MGMT: variants seen among roughly 807,000 people sequenced by gnomAD.
MGMT encodes the protein O-6-methylguanine-DNA methyltransferase.
MGMT carries 14 observed loss-of-function variants against 15.9 expected under a neutral mutation model. The ratio of observed to expected loss-of-function variants is 0.88; its 90% confidence interval spans 0.58 to 1.37. The LOEUF is 1.37. Among genes scored for constraint, MGMT ranks in the 40% most tolerant of loss-of-function variants. MGMT has a pLI of 0.00. For missense variants in MGMT, 282 were observed against 268.1 expected, an observed-to-expected ratio of 1.05 and a Z score of -0.36; for synonymous variants, 130 against 118.2, an observed-to-expected ratio of 1.10 and a Z score of -0.65.
chr10:129,488,086 C>T (rs12769288), intron 1 of MGMT, among the ~76,000 whole-genome samples: 15,483 of 151,670 alleles, frequency 0.1, 973 homozygotes, highest in Non-Finnish European at 0.13. Flanking sequence ...AGCTGTTTCT[C>T]ACTGTCAGAT....
chr10:129,689,457 G>T (rs1847946358), intron 2 of MGMT, among the ~76,000 whole-genome samples: 1 of 152,226 alleles, frequency 6.6e-6, no homozygotes, highest in African/African-American at 2.4e-5. Context: ...AAGGCATTCA[G>T]TCTTGAACAT....
chr10:129,667,715 G>A (rs61874309), intron 2 of MGMT, among the ~76,000 whole-genome samples: 362 of 152,298 alleles, frequency 2.4e-3, no homozygotes, highest in Non-Finnish European at 4.0e-3. Context: ...TCAGATTAGC[G>A]CCCATTAGCA....
At chr10:129,510,702 G>T (rs1035122400) in intron 1 of MGMT, among the ~76,000 whole-genome samples, 1 of 152,162 alleles carries the variant, frequency 6.6e-6, no homozygotes, top group African/African-American at 2.4e-5. Context: ...CAGAATAAGG[G>T]CAGGAAAATA....
chr10:129,500,357 G>A (rs564719289), intron 1 of MGMT, among the ~76,000 whole-genome samples: 234 of 152,294 alleles, frequency 1.5e-3, no homozygotes, highest in Middle Eastern at 3.4e-3. Context: ...CGACAGGAGG[G>A]TGCGGTGGTG....
At chr10:129,669,437 T>C (rs1847696956) in intron 2 of MGMT, among the ~76,000 whole-genome samples, 1 of 152,224 alleles carries the variant, frequency 6.6e-6, no homozygotes, top group East Asian at 1.9e-4. Context: ...TTTTTTTGTT[T>C]GTTTTCTGTT....
At chr10:129,555,847 A>G (rs1186000906) in intron 2 of MGMT, among the ~76,000 whole-genome samples, 1 of 152,146 alleles carries the variant, frequency 6.6e-6, no homozygotes, top group East Asian at 1.9e-4. Context: ...TCCAAGTTTT[A>G]TTTTCGGCAA....
intron 1 of MGMT, among the ~76,000 whole-genome samples, chr10:129,487,095 T>C (rs1845416575): frequency 1.3e-5 from 2 of 152,134 alleles, no homozygotes; most frequent in African/African-American, 4.8e-5. Context: ...AGCACTAGCC[T>C]CCTGCTTGTT....
chr10:129,616,085 C>T (rs1355332911), intron 2 of MGMT, among the ~76,000 whole-genome samples: 1 of 152,130 alleles, frequency 6.6e-6, no homozygotes, highest in Non-Finnish European at 1.5e-5. Flanking sequence ...GTTAGGAAAG[C>T]AAGCCAGGGC....
chr10:129,563,316 G>A lies in MGMT; in HGVS notation c.125+26939G>A, dbSNP rs541940599. Among the ~76,000 whole-genome samples the A allele has an allele frequency of 3.3e-5, 5 of 152,204 alleles. No homozygotes were observed. The South Asian group carries it at 1.0e-3, about 32-fold the overall frequency. ...AGTTTCTAGCGTGCTCACTGTGTGT[G>A]GGTAGGATGACCCTGCCGGTCTGTG... On this transcript the variant is annotated intron_variant, in intron 2 of 4. Coordinates refer to ENST00000651593, the MANE Select transcript of MGMT (RefSeq NM_002412.5).
At chr10:129,537,038 A>C (rs2119761146) in intron 2 of MGMT, 1 of 152,304 alleles carries the variant, frequency 6.6e-6, no homozygotes, top group South Asian at 2.1e-4. Flanking sequence ...CTAATTGCAA[A>C]AACGTAAGAA....
chr10:129,577,290 A>G (rs535406904), intron 2 of MGMT, among the ~76,000 whole-genome samples: 2 of 151,498 alleles, frequency 1.3e-5, no homozygotes, highest in Non-Finnish European at 1.5e-5. Context: ...AAACTATACT[A>G]CAAGGCTACA....
chr10:129,749,654 A>G (rs192470550), intron 3 of MGMT, among the ~76,000 whole-genome samples: 3 of 152,176 alleles, frequency 2.0e-5, no homozygotes, highest in Non-Finnish European at 2.9e-5. Context: ...TGCAATTGCC[A>G]GATCACATGG....
intron 2 of MGMT, among the ~76,000 whole-genome samples, chr10:129,692,735 C>T (rs1847983868): frequency 6.6e-6 from 1 of 152,170 alleles, no homozygotes; most frequent in Admixed American, 6.5e-5. Flanking sequence ...GGGAAAGAAG[C>T]TCAGAGTGCA....
At chr10:129,484,671 C>T (rs1845390815) in intron 1 of MGMT, among the ~76,000 whole-genome samples, 1 of 152,056 alleles carries the variant, frequency 6.6e-6, no homozygotes, top group Admixed American at 6.6e-5. Flanking sequence ...AAATGGGATC[C>T]TAGACATTGA....
At chr10:129,732,287 A>G (rs948490404) in intron 3 of MGMT, among the ~76,000 whole-genome samples, 8 of 151,840 alleles carry the variant, frequency 5.3e-5, no homozygotes, top group Admixed American at 3.9e-4. Context: ...TATTTCTCCT[A>G]ATGCTATCCC....
intron 2 of MGMT, among the ~76,000 whole-genome samples, chr10:129,634,917 GGTT>G (rs1429395525): frequency 6.6e-6 from 1 of 152,074 alleles, no homozygotes; most frequent in African/African-American, 2.4e-5. Context: ...GTTGAGTTCT[GGTT>G]ATTTCTGCAT....
In MGMT at chr10:129,532,314, C is replaced by G. The variant is rs1187355336; in HGVS notation, c.-12-3927C>G. ...CTGGGTGGCGGTGCTCTCTGGGGTG[C>G]AGAGTTGGTCATTCCAGGGCAGGCA... On this transcript the variant is annotated intron_variant, in intron 1 of 4. Transcript: ENST00000651593. The surrounding 1 kb of genome is among the most constrained non-coding windows in gnomAD (Gnocchi z 5.3). Among the ~76,000 whole-genome samples, 2 of 152,192 alleles carry G rather than the reference C, an allele frequency of 1.3e-5. No homozygotes were observed. The highest frequency in any genetic ancestry group is 4.8e-5 in the African/African-American group (2 of 41,454).
rs1216885503 is a variant in MGMT at position 129,659,680 on chromosome 10, G to A, written c.126-48215G>A. Among the ~76,000 whole-genome samples the A allele has an allele frequency of 1.3e-5, 2 of 152,198 alleles. No homozygotes were observed. Among genetic ancestry groups the A allele is most frequent in the Non-Finnish European group, 2.9e-5 (2 of 68,036 alleles). On this transcript the variant is annotated intron_variant, in intron 2 of 4. Transcript: ENST00000651593. This position sits in a 1 kb window ranked among gnomAD's most constrained non-coding sequence, Gnocchi z 4.1. ...GAAATTTTGAAGAGCAGTTTAGCCC[G>A]AAAATATTCCATGAGTAGCTGCCAG...
intron 2 of MGMT, among the ~76,000 whole-genome samples, chr10:129,624,011 A>G (rs1032973131): frequency 1.3e-5 from 2 of 152,144 alleles, no homozygotes; most frequent in African/African-American, 4.8e-5. Flanking sequence ...GGGTCTTCCC[A>G]TGTGTACCCT....
Sources: allele counts gnomAD v4.1 joint callset (sites outside exome capture counted in the v4.1 genomes callset), GRCh38; gene constraint gnomAD v4.1.1; non-coding constraint Gnocchi (gnomAD v3.1); transcripts MANE v1.5; gene names NCBI Gene and HGNC (gene_info 2026-07-23, HGNC 2026-07-21).